USH2A: variants seen among roughly 807,000 people sequenced by gnomAD.
USH2A encodes usherin, also known as Usher syndrome 2A (autosomal recessive, mild).
A neutral mutation model predicts 538.9 loss-of-function variants in USH2A; 443 were observed. The ratio of observed to expected loss-of-function variants is 0.82; its 90% CI spans 0.76 to 0.89. The LOEUF (loss-of-function observed/expected upper bound fraction) is 0.89, where lower values mean the gene tolerates loss of function less well. USH2A is among the 40% of genes least tolerant of loss of function. The probability of loss-of-function intolerance (pLI) is 0.00; values close to 1 mark genes in which losing one functional copy is unlikely to be tolerated. For synonymous variants in USH2A, 2,413 were observed against 2,273.5 expected, an observed-to-expected ratio of 1.06 and a Z score of -1.75; for missense variants, 6,633 against 6,324.8, an observed-to-expected ratio of 1.05 and a Z score of -1.65.
chr1:215,924,633 G>A, intron 38 of USH2A, among the ~76,000 whole-genome samples: 1 of 150,192 alleles, frequency 6.7e-6, no homozygotes, highest in African/African-American at 2.5e-5. Flanking sequence ...TTAAAGTTAT[G>A]GATAAAGCCG....
chr1:215,997,778 T>C (rs1196552780), intron 34 of USH2A, among the ~76,000 whole-genome samples: 1 of 152,170 alleles, frequency 6.6e-6, no homozygotes, highest in Non-Finnish European at 1.5e-5. Flanking sequence ...AAATAGTTTG[T>C]ATTTCTGTGT....
At chr1:216,280,296 A>T (rs1315718976) in intron 11 of USH2A, among the ~76,000 whole-genome samples, 2 of 152,060 alleles carry the variant, frequency 1.3e-5, no homozygotes, top group South Asian at 4.1e-4. Context: ...CATAAGATAG[A>T]CTTCTTTTCC....
Position 215,838,082 on chromosome 1 carries a change from C to T in USH2A, c.9280G>A (p.Ala3094Thr), listed in dbSNP as rs1663580737. Residue 3094 changes from alanine (A) to threonine (T), a missense_variant, in exon 47 of 72, where the codon GCC becomes ACC. By Grantham distance (58) the Ala-to-Thr change is moderately conservative (BLOSUM62 0). Coordinates refer to ENST00000307340, the MANE Select transcript of USH2A (RefSeq NM_206933.4). ...DIQVEVCTIY[A>T]CVKSNGTQIT... ...TGGGTTCCATTGCTTTTCACGCAGG[C>T]ATATATTGTGCAGACTTCAACCTGC... is the stretch of plus-strand genomic sequence containing the variant. 2 of 1,613,810 alleles carry T rather than the reference C, an allele frequency of 1.2e-6. No individual in the cohort carries two copies. The highest frequency in any genetic ancestry group is 1.7e-5 in the Admixed American group (1 of 59,960).
At chr1:215,631,581 G>A (rs1656284677) in intron 70 of USH2A, among the ~76,000 whole-genome samples, 1 of 152,210 alleles carries the variant, frequency 6.6e-6, no homozygotes, top group African/African-American at 2.4e-5. Context: ...ATTAAATTAT[G>A]ATTCAACAGG....
At chr1:216,175,108 A>G (rs2034348860) in intron 21 of USH2A, 144 bp downstream of exon 21, 2 of 1,494,534 alleles carry the variant, frequency 1.3e-6, no homozygotes, top group Non-Finnish European at 1.8e-6. Context: ...ACATGCTGAA[A>G]CAATCAGGCA....
intron 30 of USH2A, among the ~76,000 whole-genome samples, chr1:216,069,176 G>C (rs1368355168): frequency 4.6e-5 from 7 of 152,108 alleles, no homozygotes; most frequent in Admixed American, 6.6e-5. Context: ...CCTGTGAAAA[G>C]GCAAGCTGTG....
intron 32 of USH2A, among the ~76,000 whole-genome samples, chr1:216,027,123 C>T (rs1475427494): frequency 6.6e-6 from 1 of 152,104 alleles, no homozygotes; most frequent in Non-Finnish European, 1.5e-5. Flanking sequence ...ACATTCTAAT[C>T]TTCAGAATGT....
At position 215,888,565 on chromosome 1, in the gene USH2A, T is replaced by C. The variant is rs770631315; in HGVS notation, c.8084A>G (p.Lys2695Arg). The C allele has an allele frequency of 1.4e-5, 22 of 1,614,160 alleles. No individual in the cohort carries two copies. The highest frequency in any genetic ancestry group is 1.8e-5 in the Non-Finnish European group (21 of 1,180,022). ...DKTSALSPWT[K>R]YEYRVLMSTL... ...GCTCATCAGTACCCGATATTCATAT[T>C]TTGTCCATGGGCTAAGAGCAGAAGT... The change falls in exon 41 of 72, where the codon AAA becomes AGA. Residue 2695 changes from lysine (K) to arginine (R), a missense_variant. Physicochemically the swap from Lys to Arg is conservative, Grantham distance 26 (BLOSUM62 2). Transcript: ENST00000307340.
At chr1:216,136,406 A>G (rs301744) in intron 21 of USH2A, among the ~76,000 whole-genome samples, 120,441 of 152,166 alleles carry the variant, frequency 0.79, 47,762 homozygotes, top group Non-Finnish European at 0.8. Context: ...ACCATAGTGC[A>G]CCATGCTGTG....
At chr1:216,333,444 A>T (rs2037908219) in intron 4 of USH2A, among the ~76,000 whole-genome samples, 1 of 152,132 alleles carries the variant, frequency 6.6e-6, no homozygotes, top group East Asian at 1.9e-4. Flanking sequence ...ATGTTGAGAA[A>T]TTAACAAAGC....
In USH2A at chr1:216,418,551, C is replaced by G. The variant is rs1370492195; in HGVS notation, c.614G>C (p.Arg205Thr). ...ATGAATCCATTTCTTCACAAGAATT[C>G]TCCCCAGTGTCATTACTTTTATTGG... The part of the protein sequence containing the change: ...QPPIKVMTLG[R>T]ILVKKWIHLS... Residue 205 changes from arginine (R) to threonine (T), a missense_variant, in exon 3 of 72, where the codon AGA (arginine) becomes ACA (threonine). Transcript: ENST00000307340. 1 of 1,613,298 alleles carries G rather than the reference C, an allele frequency of 6.2e-7. No individual in the cohort carries two copies. The highest frequency in any genetic ancestry group is 1.1e-5 in the South Asian group (1 of 91,072).
intron 26 of USH2A, among the ~76,000 whole-genome samples, chr1:216,081,123 G>A (rs985321600): frequency 2.0e-4 from 31 of 152,088 alleles, no homozygotes; most frequent in African/African-American, 5.6e-4. Context: ...ACTGAAAAGC[G>A]AGGTGGCTGG....
At chr1:215,732,518 C>CTATT (rs1660026480) in intron 60 of USH2A, among the ~76,000 whole-genome samples, 1 of 121,824 alleles carries the variant, frequency 8.2e-6, no homozygotes. Context: ...CCTCCCAATC[C>CTATT]TCTTTCTTAT....
chr1:216,250,022 T>G (rs2036128499), intron 12 of USH2A, among the ~76,000 whole-genome samples: 1 of 152,114 alleles, frequency 6.6e-6, no homozygotes, highest in African/African-American at 2.4e-5. Context: ...TTAAACTTCC[T>G]ATAGGAACCA....
At chr1:215,800,292 T>C (rs560917005) in intron 49 of USH2A, among the ~76,000 whole-genome samples, 75 of 152,120 alleles carry the variant, frequency 4.9e-4, no homozygotes, top group Admixed American at 9.8e-4. Context: ...TTTGTCCTGC[T>C]CCTCCTCTTC....
At chr1:216,325,665 G>T in intron 5 of USH2A, 66 bp from the exon 6 acceptor site, 1 of 1,482,020 alleles carries the variant, frequency 6.7e-7, no homozygotes, top group Non-Finnish European at 9.2e-7. Flanking sequence ...TCTAGGAGTC[G>T]TTACAAATGA....
intron 3 of USH2A, among the ~76,000 whole-genome samples, chr1:216,368,344 C>T (rs191536832): frequency 5.9e-5 from 9 of 152,104 alleles, no homozygotes; most frequent in East Asian, 1.9e-4. Flanking sequence ...ATCGAGTCCA[C>T]CTAGATTATA....
intron 61 of USH2A, among the ~76,000 whole-genome samples, chr1:215,721,162 C>T (rs1659646380): frequency 6.6e-6 from 1 of 152,092 alleles, no homozygotes; most frequent in African/African-American, 2.4e-5. Flanking sequence ...GCAGCCTCCA[C>T]CTCCCGGGTC....
intron 47 of USH2A, among the ~76,000 whole-genome samples, chr1:215,822,453 A>T (rs1287644774): frequency 2.0e-5 from 3 of 151,714 alleles, no homozygotes; most frequent in Non-Finnish European, 2.9e-5. Context: ...ACTGCTATTG[A>T]TTTCTGTACA....
Sources: gnomAD v4.1 joint callset for allele counts (sites outside exome capture counted in the v4.1 genomes callset) on GRCh38, gnomAD v4.1.1 for gene constraint, MANE v1.5 for transcripts, NCBI Gene and HGNC (gene_info 2026-07-23, HGNC 2026-07-21) for gene names.